EPHA6: variants seen among roughly 807,000 people sequenced by gnomAD.
EPHA6 encodes ephrin type-A receptor 6.
In EPHA6, 50 loss-of-function variants were observed where a neutral mutation model predicts 112.0. The ratio of observed to expected loss-of-function variants is 0.45; its 90% CI spans 0.36 to 0.56. The LOEUF (loss-of-function observed/expected upper bound fraction) is 0.56, where lower values mean the gene tolerates loss of function less well. Among genes scored for constraint, EPHA6 ranks in the 20% least tolerant of loss-of-function variants. The probability of loss-of-function intolerance (pLI) is 0.00; values close to 1 mark genes in which losing one functional copy is unlikely to be tolerated. For synonymous variants in EPHA6, 529 were observed against 490.7 expected (o/e 1.08, Z -1.03); for missense variants, 1,280 against 1,417.4 (o/e 0.90, Z 1.56).
At chr3:97,038,717 G>T (rs910293611) in intron 3 of EPHA6, among the ~76,000 whole-genome samples, 1 of 152,026 alleles carries the variant, frequency 6.6e-6, no homozygotes, top group South Asian at 2.1e-4. Context: ...GCAGGGACCA[G>T]ACTCCTGTCA....
chr3:97,497,036 C>T (rs1252671802), intron 10 of EPHA6, among the ~76,000 whole-genome samples: 1 of 152,150 alleles, frequency 6.6e-6, no homozygotes, highest in East Asian at 1.9e-4. Flanking sequence ...CCTCCCTGGC[C>T]AACCCACCAA....
intron 5 of EPHA6, among the ~76,000 whole-genome samples, chr3:97,337,835 T>C (rs2083129951): frequency 6.6e-6 from 1 of 152,168 alleles, no homozygotes; most frequent in African/African-American, 2.4e-5. Context: ...AGTAATCATA[T>C]TTATACCATA....
chr3:97,161,437 G>A (rs1230984139), intron 3 of EPHA6, among the ~76,000 whole-genome samples: 9 of 152,128 alleles, frequency 5.9e-5, no homozygotes, highest in Admixed American at 5.9e-4. Flanking sequence ...TAATTGTATG[G>A]CTCATAGTGG....
intron 2 of EPHA6, among the ~76,000 whole-genome samples, chr3:96,945,565 A>G (rs1026601956): frequency 7.2e-5 from 11 of 152,202 alleles, no homozygotes; most frequent in Middle Eastern, 3.2e-3. Context: ...ACAATTCCAT[A>G]TGTAGTTTTC....
chr3:97,142,866 G>A (rs926073831), intron 3 of EPHA6, among the ~76,000 whole-genome samples: 2 of 151,832 alleles, frequency 1.3e-5, no homozygotes, highest in African/African-American at 4.8e-5. Flanking sequence ...TGAACTCACA[G>A]AGAACATCAT....
intron 2 of EPHA6, among the ~76,000 whole-genome samples, chr3:96,924,194 G>A (rs1479721330): frequency 6.6e-6 from 1 of 152,168 alleles, no homozygotes; most frequent in Non-Finnish European, 1.5e-5. Context: ...GAATGTCAGT[G>A]GTAGTCTAAT....
rs10612575 is a variant in EPHA6, at chr3:96,954,773, CTTTTTTTTTTTTTTTTTT to C, written c.451-32543_451-32526del. ...TAGTCTTAAATTTTTACTGGTGTGC[CTTTTTTTTTTTTTTTTTT>C]TTTTTTTTTTTTTGAGACGGAGTCT... On this transcript the variant is annotated intron_variant, in intron 2 of 17. Transcript: ENST00000389672. 8.3e-3 allele frequency among the ~76,000 whole-genome samples: 605 copies of C among 72,734 alleles called. 5 individuals are homozygous for C. Among genetic ancestry groups the C allele is most frequent in the Non-Finnish European group, 0.012 (474 of 39,850 alleles). 47.7% of individuals were successfully genotyped at this position (72,734 alleles called of 152,430 possible). A position where few individuals can be genotyped will look rare whatever the true frequency, so the allele number is the denominator to read the frequency against.
intron 1 of EPHA6, among the ~76,000 whole-genome samples, chr3:96,850,085 A>G (rs1054379414): frequency 3.9e-5 from 6 of 152,122 alleles, no homozygotes; most frequent in African/African-American, 7.2e-5. Context: ...TTAAAAACCT[A>G]TCTTTCCAGC....
intron 4 of EPHA6, among the ~76,000 whole-genome samples, chr3:97,242,537 T>C (rs1218078295): frequency 1.3e-5 from 2 of 151,872 alleles, no homozygotes; most frequent in Non-Finnish European, 2.9e-5. Context: ...TCCGCTTACA[T>C]AGATCTAGTC....
At chr3:97,746,579 T>C (rs2035723719) in intron 16 of EPHA6, among the ~76,000 whole-genome samples, 1 of 151,806 alleles carries the variant, frequency 6.6e-6, no homozygotes, top group Admixed American at 6.6e-5. Flanking sequence ...AACTATTTCA[T>C]ATATATTGCA....
At chr3:97,733,058 C>T (rs1001238893) in intron 15 of EPHA6, among the ~76,000 whole-genome samples, 1 of 151,980 alleles carries the variant, frequency 6.6e-6, no homozygotes, top group Admixed American at 6.6e-5. Context: ...GTAAAATTTC[C>T]AGGCAAGGGA....
chr3:97,438,985 T>C (rs773885898), intron 6 of EPHA6, among the ~76,000 whole-genome samples: 25 of 152,334 alleles, frequency 1.6e-4, no homozygotes, highest in Non-Finnish European at 2.8e-4. Context: ...TAAATATCAC[T>C]ATTAAAAGCA....
At chr3:97,601,943 A>C (rs2093646524) in intron 12 of EPHA6, among the ~76,000 whole-genome samples, 1 of 152,092 alleles carries the variant, frequency 6.6e-6, no homozygotes, top group Non-Finnish European at 1.5e-5. Flanking sequence ...ATTTAATAAT[A>C]AGACATTTTT....
intron 5 of EPHA6, among the ~76,000 whole-genome samples, chr3:97,301,693 C>T (rs2081097411): frequency 6.6e-6 from 1 of 152,074 alleles, no homozygotes; most frequent in South Asian, 2.1e-4. Flanking sequence ...CTCCTTGCTA[C>T]TCAGGACATG....
At chr3:97,112,342 C>A (rs1277341597) in intron 3 of EPHA6, among the ~76,000 whole-genome samples, 1 of 152,078 alleles carries the variant, frequency 6.6e-6, no homozygotes, top group African/African-American at 2.4e-5. Flanking sequence ...TTCTGTGATA[C>A]TCTGAGTAAA....
intron 2 of EPHA6, among the ~76,000 whole-genome samples, chr3:96,976,349 C>A (rs2042521381): frequency 6.6e-6 from 1 of 151,960 alleles, no homozygotes. Context: ...TGTTGCTGTC[C>A]TTTGAACACT....
At chr3:97,344,138 A>T (rs1470556764) in intron 5 of EPHA6, among the ~76,000 whole-genome samples, 1 of 152,124 alleles carries the variant, frequency 6.6e-6, no homozygotes, top group East Asian at 1.9e-4. Flanking sequence ...AGTCTCACCC[A>T]TATCTGATTT....
intron 7 of EPHA6, among the ~76,000 whole-genome samples, chr3:97,471,100 G>A (rs944355815): frequency 1.5e-4 from 23 of 151,816 alleles, no homozygotes; most frequent in African/African-American, 5.3e-4. Flanking sequence ...TAGCTCTACT[G>A]TATTTTAGTG....
At chr3:97,422,137 CA>C (rs34312259) in intron 6 of EPHA6, among the ~76,000 whole-genome samples, 33,737 of 103,296 alleles carry the variant, frequency 0.33, 3,472 homozygotes, top group Non-Finnish European at 0.42. Flanking sequence ...AATAGTCTCT[CA>C]AAAAAAAAAA....
Sources: allele counts gnomAD v4.1 joint callset (sites outside exome capture counted in the v4.1 genomes callset), GRCh38; gene constraint gnomAD v4.1.1; transcripts MANE v1.5; gene names NCBI Gene and HGNC (gene_info 2026-07-23, HGNC 2026-07-21).